Variants in WWOX observed in about 807,000 individuals in gnomAD.
WWOX encodes the protein WW domain containing oxidoreductase, also known as WW domain-containing oxidoreductase.
A neutral mutation model predicts 46.2 loss-of-function variants in WWOX; 69 were observed. That is an observed-to-expected ratio of 1.49 (90% CI 1.23 to 1.82). The LOEUF is 1.82. Ranked by LOEUF, WWOX falls within the 40% of genes most tolerant of loss-of-function variation. The pLI is 0.00. For synonymous variants in WWOX, 359 were observed against 202.6 expected, an observed-to-expected ratio of 1.77 and a Z score of -6.56; for missense variants, 919 against 542.6, an observed-to-expected ratio of 1.69 and a Z score of -6.89.
At chr16:78,228,345 T>C (rs1215333453) in intron 5 of WWOX, among the ~76,000 whole-genome samples, 1 of 147,320 alleles carries the variant, frequency 6.8e-6, no homozygotes, top group South Asian at 2.2e-4. Context: ...CTCTCTTTTT[T>C]TTTTTTTTTT....
At chr16:78,297,711 G>C (rs943943490) in intron 5 of WWOX, among the ~76,000 whole-genome samples, 1 of 152,070 alleles carries the variant, frequency 6.6e-6, no homozygotes, top group Non-Finnish European at 1.5e-5. Context: ...TCTACGAACT[G>C]GGAGCCTATG....
intron 8 of WWOX, among the ~76,000 whole-genome samples, chr16:79,007,110 C>G (rs528395255): frequency 3.9e-5 from 6 of 152,114 alleles, no homozygotes; most frequent in African/African-American, 1.4e-4. Flanking sequence ...AGAGAGGTCA[C>G]AATAGCAAAT....
chr16:78,368,991 C>T (rs1338001445), intron 5 of WWOX, among the ~76,000 whole-genome samples: 1 of 152,098 alleles, frequency 6.6e-6, no homozygotes, highest in Admixed American at 6.5e-5. Flanking sequence ...TCAGTCTCCC[C>T]ATCTCCCCTT....
At chr16:78,146,204 C>G (rs1034789752) in intron 4 of WWOX, among the ~76,000 whole-genome samples, 1 of 152,070 alleles carries the variant, frequency 6.6e-6, no homozygotes, top group African/African-American at 2.4e-5. Flanking sequence ...CTCCCAAGTG[C>G]TTAGGCTCCC....
At chr16:78,144,795 A>G (rs1247544977) in intron 4 of WWOX, among the ~76,000 whole-genome samples, 3 of 151,872 alleles carry the variant, frequency 2.0e-5, no homozygotes. Flanking sequence ...TGCTGGGATT[A>G]CAGGCGTGAG....
intron 8 of WWOX, among the ~76,000 whole-genome samples, chr16:79,065,019 C>T (rs1168530322): frequency 3.3e-5 from 5 of 152,088 alleles, no homozygotes; most frequent in South Asian, 4.1e-4. Flanking sequence ...GCTGGGAGTT[C>T]GTCGGTTGTT....
intron 8 of WWOX, among the ~76,000 whole-genome samples, chr16:78,584,507 C>G (rs992552507): frequency 6.6e-6 from 1 of 152,214 alleles, no homozygotes; most frequent in Non-Finnish European, 1.5e-5. Flanking sequence ...AAGGACTGTT[C>G]TAAGCCCGGC....
chr16:78,437,767 AAACT>A, intron 8 of WWOX, among the ~76,000 whole-genome samples: 1 of 152,346 alleles, frequency 6.6e-6, no homozygotes, highest in South Asian at 2.1e-4. Context: ...ATGTTAAAGG[AAACT>A]AACATTTGCT....
At chr16:78,923,618 T>C (rs4888879) in intron 8 of WWOX, among the ~76,000 whole-genome samples, 146,596 of 151,928 alleles carry the variant, frequency 0.96, 70,899 homozygotes, top group Non-Finnish European at 1. Flanking sequence ...GGTGGGGGGA[T>C]ATTTCACTCT....
At chr16:78,446,213 A>C (rs1386062595) in intron 8 of WWOX, among the ~76,000 whole-genome samples, 3 of 152,248 alleles carry the variant, frequency 2.0e-5, no homozygotes, top group Non-Finnish European at 4.4e-5. Context: ...ATCATACTTG[A>C]GACCATGTTC....
intron 8 of WWOX, among the ~76,000 whole-genome samples, chr16:78,895,186 A>C (rs1204569319): frequency 6.6e-6 from 1 of 152,192 alleles, no homozygotes. Context: ...CAACGGCTTT[A>C]AAATCACTTT....
rs34068363 is a variant in WWOX, at chr16:78,557,689, ATT to A, written c.1056+124959_1056+124960del. Among the ~76,000 whole-genome samples, 338 of 96,594 alleles carry A rather than the reference ATT, an allele frequency of 3.5e-3. 5 individuals are homozygous for A. The highest frequency in any genetic ancestry group is 8.9e-3 in the African/African-American group (171 of 19,200). 63.4% of individuals were successfully genotyped at this position (96,594 alleles called of 152,430 possible). On this transcript the variant is annotated intron_variant, in intron 8 of 8. Coordinates refer to ENST00000566780, the MANE Select transcript of WWOX (RefSeq NM_016373.4). ...CATAAGTGCATTCCTCTAGGGAAGG[ATT>A]TTTTTTTTTTTTTTTTTTTTTGAGA...
chr16:78,473,399 G>C (rs1271249206), intron 8 of WWOX, among the ~76,000 whole-genome samples: 3 of 151,896 alleles, frequency 2.0e-5, no homozygotes, highest in Non-Finnish European at 4.4e-5. Flanking sequence ...CAAAGTGCTA[G>C]GATTACAGAC....
intron 8 of WWOX, among the ~76,000 whole-genome samples, chr16:78,456,062 C>T (rs935756001): frequency 2.6e-5 from 4 of 152,136 alleles, no homozygotes; most frequent in African/African-American, 4.8e-5. Flanking sequence ...GAATCAGTGA[C>T]GTGGACAAGG....
At chr16:78,554,705 T>C (rs2044248199) in intron 8 of WWOX, among the ~76,000 whole-genome samples, 1 of 152,120 alleles carries the variant, frequency 6.6e-6, no homozygotes, top group Non-Finnish European at 1.5e-5. Flanking sequence ...AGAGGTGGCC[T>C]AAGGCAGCCT....
chr16:79,162,885 C>T (rs569557710), intron 8 of WWOX, among the ~76,000 whole-genome samples: 15 of 152,336 alleles, frequency 9.8e-5, no homozygotes, highest in Non-Finnish European at 1.5e-4. Flanking sequence ...GTGTTGCTCT[C>T]TGCCTCCTGT....
At chr16:78,511,917 C>T (rs1716628326) in intron 8 of WWOX, among the ~76,000 whole-genome samples, 1 of 152,186 alleles carries the variant, frequency 6.6e-6, no homozygotes, top group African/African-American at 2.4e-5. Context: ...CTAAAATACC[C>T]AGCTACTTCT....
intron 8 of WWOX, among the ~76,000 whole-genome samples, chr16:78,932,424 C>T (rs975576168): frequency 1.3e-5 from 2 of 152,216 alleles, no homozygotes; most frequent in Non-Finnish European, 1.5e-5. Context: ...CATGCTGCGT[C>T]AGAGAGTTCT....
chr16:78,671,204 C>G (rs146033546), intron 8 of WWOX, among the ~76,000 whole-genome samples: 4,180 of 152,246 alleles, frequency 0.027, 79 homozygotes, highest in Non-Finnish European at 0.044. Context: ...AGGTGGATCA[C>G]TTCAACCCAG....
Sources: allele counts gnomAD v4.1 joint callset (sites outside exome capture counted in the v4.1 genomes callset), GRCh38; gene constraint gnomAD v4.1.1; transcripts MANE v1.5; gene names NCBI Gene and HGNC (gene_info 2026-07-23, HGNC 2026-07-21).